The following LAMA2 variants were observed in gnomAD, a reference collection of about 807,000 sequenced individuals.
LAMA2 encodes laminin subunit alpha 2.
In LAMA2, 269 loss-of-function variants were observed where a neutral mutation model predicts 364.8. That is an observed-to-expected ratio of 0.74 (90% CI 0.67 to 0.82). The LOEUF (loss-of-function observed/expected upper bound fraction) is 0.82. Ranked by LOEUF, LAMA2 falls within the 40% of genes least tolerant of loss-of-function variation. The probability of loss-of-function intolerance (pLI) is 0.00; values close to 1 mark genes in which losing one functional copy is unlikely to be tolerated. For synonymous variants in LAMA2, 1,379 were observed against 1,370.6 expected (o/e 1.01, Z -0.14); for missense variants, 3,807 against 3,873.2 (o/e 0.98, Z 0.45).
chr6:129,214,275 A>G (rs1783285530), intron 12 of LAMA2, among the ~76,000 whole-genome samples: 1 of 152,224 alleles, frequency 6.6e-6, no homozygotes, highest in Admixed American at 6.5e-5. Context: ...GGGCATGTGC[A>G]AAATGACCAA....
intron 58 of LAMA2, among the ~76,000 whole-genome samples, chr6:129,499,297 C>G (rs936619026): frequency 6.6e-6 from 1 of 151,920 alleles, no homozygotes; most frequent in Non-Finnish European, 1.5e-5. Context: ...TGTTTTAACA[C>G]ATTTGAGAGA....
chr6:129,007,457 C>A (rs1244965135), intron 1 of LAMA2, among the ~76,000 whole-genome samples: 1 of 152,152 alleles, frequency 6.6e-6, no homozygotes, highest in African/African-American at 2.4e-5. Flanking sequence ...AGATGCTATT[C>A]ATCTTCCCAT....
At position 129,088,690 on chromosome 6, in the gene LAMA2, G is replaced by A. The variant is rs564196495; in HGVS notation, c.397-9483G>A. Among the ~76,000 whole-genome samples, 296 of 149,714 alleles carry A rather than the reference G, an allele frequency of 2.0e-3. 1 individual carries two copies. Among genetic ancestry groups the A allele is most frequent in the African/African-American group, 6.9e-3 (280 of 40,734 alleles). On this transcript the variant is annotated intron_variant, in intron 3 of 64. Coordinates refer to ENST00000421865, the MANE Select transcript of LAMA2 (RefSeq NM_000426.4). ...TTCTCAGACGGGGCGGCTGCCGGGC[G>A]GAGGGGTTCCTCACTTCTCAGATGG...
At chr6:129,258,636 C>A (rs1583357979) in intron 14 of LAMA2, among the ~76,000 whole-genome samples, 1 of 151,952 alleles carries the variant, frequency 6.6e-6, no homozygotes, top group Admixed American at 6.6e-5. Flanking sequence ...CAGAATTGTA[C>A]AATTTATTTT....
Position 129,232,140 on chromosome 6 carries a change from A to C in LAMA2, c.1783-17972A>C, listed in dbSNP as rs537473884. ...TTTTCTTGTTTGGCAGAATATTATC[A>C]TCATACAGCATATGTACAATATGGT... On this transcript the variant is annotated intron_variant, in intron 12 of 64. Coordinates refer to ENST00000421865, the MANE Select transcript of LAMA2 (RefSeq NM_000426.4). Among the ~76,000 whole-genome samples, 35 of 152,268 alleles carry C rather than the reference A, an allele frequency of 2.3e-4. 1 individual carries two copies. The highest frequency in any genetic ancestry group is 2.1e-3 in the Admixed American group (32 of 15,280).
At chr6:129,074,677 A>T (rs1773517965) in intron 3 of LAMA2, among the ~76,000 whole-genome samples, 1 of 152,246 alleles carries the variant, frequency 6.6e-6, no homozygotes, top group Non-Finnish European at 1.5e-5. Context: ...ATATTATCTG[A>T]TAAAATTATT....
intron 34 of LAMA2, among the ~76,000 whole-genome samples, chr6:129,372,676 G>T (rs1261726121): frequency 6.6e-6 from 1 of 152,222 alleles, no homozygotes; most frequent in Admixed American, 6.5e-5. Context: ...GAGCATGATT[G>T]CTGGATGGTA....
chr6:129,342,668 G>A (rs1402929586), intron 30 of LAMA2, among the ~76,000 whole-genome samples: 5 of 151,918 alleles, frequency 3.3e-5, no homozygotes, highest in African/African-American at 1.2e-4. Context: ...TCTGTCCCAA[G>A]TAAATAATAC....
intron 1 of LAMA2, among the ~76,000 whole-genome samples, chr6:129,030,055 G>A (rs567818731): frequency 6.6e-6 from 1 of 151,968 alleles, no homozygotes; most frequent in Non-Finnish European, 1.5e-5. Context: ...TTCTAACCTG[G>A]GGTCCTAATC....
At chr6:128,930,891 G>A (rs932643059) in intron 1 of LAMA2, among the ~76,000 whole-genome samples, 1 of 152,054 alleles carries the variant, frequency 6.6e-6, no homozygotes, top group African/African-American at 2.4e-5. Context: ...GTTTCCCTAC[G>A]TGTACACACA....
intron 4 of LAMA2, 119 bp downstream of exon 4, chr6:129,098,534 G>A: frequency 8.2e-7 from 1 of 1,226,744 alleles, no homozygotes; most frequent in Non-Finnish European, 1.2e-6. Flanking sequence ...TTTAGCAAAA[G>A]TACATTTAAA....
At chr6:128,936,300 ATC>A (rs1171219049) in intron 1 of LAMA2, among the ~76,000 whole-genome samples, 1 of 152,228 alleles carries the variant, frequency 6.6e-6, no homozygotes, top group Admixed American at 6.5e-5. Flanking sequence ...TCAGTATGAC[ATC>A]AGCTGTAGAC....
intron 63 of LAMA2, 25 bp downstream of exon 63, chr6:129,512,518 T>G (rs1288873011): frequency 6.2e-7 from 1 of 1,611,684 alleles, no homozygotes; most frequent in Admixed American, 1.7e-5. Context: ...TGCAAACATT[T>G]CTGATTTCTT....
At chr6:128,917,269 C>T (rs919210016) in intron 1 of LAMA2, among the ~76,000 whole-genome samples, 23 of 151,692 alleles carry the variant, frequency 1.5e-4, no homozygotes, top group Non-Finnish European at 2.8e-4. Context: ...GAGAGCTTGC[C>T]CATCAATCCA....
intron 21 of LAMA2, among the ~76,000 whole-genome samples, chr6:129,298,152 G>A (rs1024987719): frequency 6.1e-5 from 2 of 32,820 alleles, no homozygotes; most frequent in South Asian, 7.3e-4. Context: ...ACACTGCTAC[G>A]GCTTGAAAGT....
chr6:129,409,845 C>G (rs1255569598), intron 40 of LAMA2, among the ~76,000 whole-genome samples: 2 of 152,140 alleles, frequency 1.3e-5, no homozygotes, highest in African/African-American at 4.8e-5. Flanking sequence ...AAATTGGCAG[C>G]CTTTCAGGTC....
chr6:128,979,978 G>T (rs1351330412), intron 1 of LAMA2, among the ~76,000 whole-genome samples: 1 of 152,160 alleles, frequency 6.6e-6, no homozygotes, highest in Non-Finnish European at 1.5e-5. Flanking sequence ...AGGCAGATGG[G>T]CTAGGTTATG....
At chr6:129,447,643 A>T (rs1782455677) in intron 45 of LAMA2, among the ~76,000 whole-genome samples, 1 of 152,228 alleles carries the variant, frequency 6.6e-6, no homozygotes, top group South Asian at 2.1e-4. Flanking sequence ...TGAGCATGGA[A>T]CACAGTATAA....
intron 4 of LAMA2, among the ~76,000 whole-genome samples, chr6:129,140,021 A>G (rs891283884): frequency 6.6e-6 from 1 of 152,126 alleles, no homozygotes; most frequent in African/African-American, 2.4e-5. Flanking sequence ...TCTCCCATCC[A>G]TCCATTCACT....
Sources: gnomAD v4.1 joint callset for allele counts (sites outside exome capture counted in the v4.1 genomes callset) on GRCh38, gnomAD v4.1.1 for gene constraint, MANE v1.5 for transcripts, NCBI Gene and HGNC (gene_info 2026-07-23, HGNC 2026-07-21) for gene names.